The following ABLIM2 variants were observed in gnomAD, a reference collection of about 807,000 sequenced individuals.
ABLIM2 encodes the protein actin binding LIM protein family member 2, also known as actin-binding LIM protein 2.
In ABLIM2, 53 loss-of-function variants were observed where a neutral mutation model predicts 97.7. The observed-to-expected ratio is 0.54, with a 90% CI of 0.44 to 0.68. The LOEUF (loss-of-function observed/expected upper bound fraction) is 0.68. Among genes scored for constraint, ABLIM2 ranks in the 30% least tolerant of loss-of-function variants. The pLI, the probability that ABLIM2 is intolerant of heterozygous loss-of-function variation, is 0.00. For missense variants in ABLIM2, 835 were observed against 867.2 expected (o/e 0.96, Z 0.47); for synonymous variants, 361 against 345.8 (o/e 1.04, Z -0.49).
chr4:8,020,464 C>A, intron 12 of ABLIM2, 161 bp from the exon 13 acceptor site: 1 of 718,786 alleles, frequency 1.4e-6, no homozygotes, highest in Non-Finnish European at 2.5e-6. Flanking sequence ...GCCTCATCCA[C>A]GTTCCCAGAC....
chr4:8,046,105 C>T lies in ABLIM2; in HGVS notation c.823-864G>A, dbSNP rs1579672245. 6.6e-6 allele frequency among the ~76,000 whole-genome samples: 1 copy of T among 152,320 alleles called. No individual in the cohort carries two copies. The highest frequency in any genetic ancestry group is 2.1e-4 in the South Asian group (1 of 4,818). ...CTGTGGGCTTGTCCTGGCCTTTTTG[C>T]TGCTGTCACGCCTGGGACCTGTGTC... On this transcript the variant is annotated intron_variant, in intron 8 of 20. Transcript: ENST00000447017. The surrounding 1 kb of genome is among the most constrained non-coding windows in gnomAD (Gnocchi z 4.4).
At position 8,032,535 on chromosome 4, in the gene ABLIM2, A is replaced by G; in HGVS notation, c.1048-2759T>C. On this transcript the variant is annotated intron_variant, in intron 10 of 20. Transcript: ENST00000447017. The surrounding 1 kb of genome is among the most constrained non-coding windows in gnomAD (Gnocchi z 4.3). ...CACAAGGGCCGTGGCCCCGGGCCCCATGGTGAAGAGCCACCGAGGAGGCCC... is the reference window on the plus strand; with the variant it reads ...CACAAGGGCCGTGGCCCCGGGCCCCGTGGTGAAGAGCCACCGAGGAGGCCC... 1.3e-5 allele frequency: 18 copies of G among 1,397,984 alleles called. No individual in the cohort carries two copies. Among genetic ancestry groups the G allele is most frequent in the Non-Finnish European group, 1.6e-5 (16 of 999,384 alleles). The allele number at this position is 1,397,984 out of a possible 1,614,324, so 86.6% of individuals were successfully genotyped here.
In ABLIM2 at chr4:8,019,810, A is replaced by G. The variant is rs1277205077; in HGVS notation, c.1370-139T>C. 1 of 820,300 alleles carries G rather than the reference A, an allele frequency of 1.2e-6. No individual in the cohort carries two copies. The highest frequency in any genetic ancestry group is 1.9e-6 in the Non-Finnish European group (1 of 513,824). The allele number at this position is 820,300 out of a possible 1,614,324, so 50.8% of individuals were successfully genotyped here. A position where few individuals can be genotyped will look rare whatever the true frequency, so the allele number is the denominator to read the frequency against. On this transcript the variant is annotated intron_variant, in intron 13 of 20. Coordinates refer to ENST00000447017, the MANE Select transcript of ABLIM2 (RefSeq NM_001130083.2). This position sits in a 1 kb window ranked among gnomAD's most constrained non-coding sequence, Gnocchi z 4.3. The stretch of plus-strand genomic sequence containing the variant: ...ATCAGGCAGGAACTGGCACCCAGCG[A>G]GCGACAGACACCCAGGCCCCAGATC...
chr4:8,039,071 T>G lies in ABLIM2; in HGVS notation c.901-2776A>C, dbSNP rs146616976. Among the ~76,000 whole-genome samples the G allele has an allele frequency of 5.0e-3, 765 of 152,252 alleles. 4 individuals are homozygous for G. Among genetic ancestry groups the G allele is most frequent in the South Asian group, 7.5e-3 (36 of 4,818 alleles). On this transcript the variant is annotated intron_variant, in intron 9 of 20. Transcript: ENST00000447017. Reference sequence around the variant, plus strand: ...CAAGTTAGTGTTGATCTTCATCTGTTGAGTTGTCCCTTATCCCCTCAAGAC... The same window carrying G: ...CAAGTTAGTGTTGATCTTCATCTGTGGAGTTGTCCCTTATCCCCTCAAGAC...
chr4:8,136,019 G>A (rs555014000), intron 1 of ABLIM2, among the ~76,000 whole-genome samples: 15 of 152,360 alleles, frequency 9.8e-5, no homozygotes, highest in African/African-American at 3.4e-4. Context: ...ATTCACAGCA[G>A]CAGAATCTCC....
In ABLIM2 at chr4:8,094,602, A is replaced by G. The variant is rs187134704; in HGVS notation, c.338+2497T>C. Among the ~76,000 whole-genome samples the G allele has an allele frequency of 5.3e-5, 8 of 152,366 alleles. No individual in the cohort carries two copies. In the East Asian group the frequency reaches 1.3e-3, roughly 26 times the overall value. ...ATACAATATCTGGAATCTACAGATA[A>G]CATAACTGATTAGGTCAGGGGTCGA... On this transcript the variant is annotated intron_variant, in intron 3 of 20. Coordinates refer to ENST00000447017, the MANE Select transcript of ABLIM2 (RefSeq NM_001130083.2).
At chr4:7,973,585 G>A (rs770090810) in intron 20 of ABLIM2, among the ~76,000 whole-genome samples, 10 of 152,222 alleles carry the variant, frequency 6.6e-5, no homozygotes, top group Non-Finnish European at 1.0e-4. Flanking sequence ...GGCCCTGCAG[G>A]GCCCTGGACC....
At chr4:8,129,784 A>C (rs1849102539) in intron 1 of ABLIM2, among the ~76,000 whole-genome samples, 1 of 152,160 alleles carries the variant, frequency 6.6e-6, no homozygotes, top group South Asian at 2.1e-4. Context: ...GCTGGCGTTG[A>C]GAAGTGTCAG....
chr4:8,102,250 G>C (rs1185231903), intron 2 of ABLIM2, among the ~76,000 whole-genome samples: 1 of 152,154 alleles, frequency 6.6e-6, no homozygotes, highest in African/African-American at 2.4e-5. Context: ...TGTTCCCTCT[G>C]GTGGGAATGC....
intron 2 of ABLIM2, among the ~76,000 whole-genome samples, chr4:8,102,404 T>C (rs1835110464): frequency 6.6e-6 from 1 of 152,244 alleles, no homozygotes. Context: ...AATTTGCTTA[T>C]TTATTCTTTA....
At chr4:7,974,037 G>A (rs1300234849) in intron 20 of ABLIM2, among the ~76,000 whole-genome samples, 2 of 152,188 alleles carry the variant, frequency 1.3e-5, no homozygotes, top group Admixed American at 1.3e-4. Context: ...AACCCAGCCT[G>A]GAATATCAAC....
chr4:8,043,331 T>A lies in ABLIM2; in HGVS notation c.900+1833A>T, dbSNP rs146605542. Reference sequence around the variant, plus strand: ...AATGGGTGAGGAAACAGACCATACCTTTGTGCGCCTACACAAACATGATCT... The same window carrying A: ...AATGGGTGAGGAAACAGACCATACCATTGTGCGCCTACACAAACATGATCT... On this transcript the variant is annotated intron_variant, in intron 9 of 20. Transcript: ENST00000447017. This position sits in a 1 kb window ranked among gnomAD's most constrained non-coding sequence, Gnocchi z 4.8. Among the ~76,000 whole-genome samples, 409 of 152,312 alleles carry A rather than the reference T, an allele frequency of 2.7e-3. 2 individuals carry two copies. Among genetic ancestry groups the A allele is most frequent in the African/African-American group, 9.2e-3 (381 of 41,568 alleles).
In ABLIM2 at chr4:8,043,953, C is replaced by T. The variant is rs919526503; in HGVS notation, c.900+1211G>A. Among the ~76,000 whole-genome samples the T allele has an allele frequency of 3.9e-5, 6 of 152,098 alleles. No homozygotes were observed. The highest frequency in any genetic ancestry group is 9.7e-5 in the African/African-American group (4 of 41,420). ...AGCCAACCTGGTGCCTTCATGCGCC[C>T]GCCTAAGCTTCAGAGTGCACATCCC... On this transcript the variant is annotated intron_variant, in intron 9 of 20. Coordinates refer to ENST00000447017, the MANE Select transcript of ABLIM2 (RefSeq NM_001130083.2). The surrounding 1 kb of genome is among the most constrained non-coding windows in gnomAD (Gnocchi z 4.8).
chr4:8,080,895 G>T, intron 4 of ABLIM2, 93 bp from the exon 5 acceptor site: 1 of 1,483,216 alleles, frequency 6.7e-7, no homozygotes, highest in Non-Finnish European at 9.1e-7. Context: ...AGGCCCCTGG[G>T]GCAGCCGGGA....
intron 1 of ABLIM2, among the ~76,000 whole-genome samples, chr4:8,144,216 G>T (rs149410319): frequency 1.3e-5 from 2 of 152,174 alleles, no homozygotes; most frequent in Admixed American, 1.3e-4. Flanking sequence ...CCTGGTGCTC[G>T]GCCAGAAATT....
rs1459499988 is a variant in ABLIM2, at chr4:8,004,945, G to A, written c.1618+3114C>T. On this transcript the variant is annotated intron_variant, in intron 16 of 20. Transcript: ENST00000447017. The surrounding 1 kb of genome is among the most constrained non-coding windows in gnomAD (Gnocchi z 5.9). ...GGGGATGGCTCCCGGGTTTGTCACC[G>A]CCATAAAGTCCTCTGGCTTCCCTGC... is the stretch of plus-strand genomic sequence containing the variant. 6.6e-6 allele frequency among the ~76,000 whole-genome samples: 1 copy of A among 152,196 alleles called. No homozygotes were observed. The highest frequency in any genetic ancestry group is 1.5e-5 in the Non-Finnish European group (1 of 68,034).
chr4:7,980,941 A>ATCTTTTTTTTTTTTTT (rs1483414043), intron 20 of ABLIM2, among the ~76,000 whole-genome samples: 4 of 82,988 alleles, frequency 4.8e-5, no homozygotes, highest in African/African-American at 1.7e-4. Context: ...ACAACCCCTT[A>ATCTTTTTTTTTTTTTT]TTTTTTTTTT....
At position 8,067,491 on chromosome 4, in the gene ABLIM2, T is replaced by C. The variant is rs925953031; in HGVS notation, c.676-6437A>G. The C allele has an allele frequency of 4.5e-4, 68 of 152,334 alleles. 3 individuals carry two copies. Among genetic ancestry groups the C allele is most frequent in the Admixed American group, 6.5e-5 (1 of 15,288 alleles). The allele number at this position is 152,334 out of a possible 1,614,324, so 9.4% of individuals were successfully genotyped here. ...GCCAGCTCTGCACCCTTTCCAGTGA[T>C]GGCACAGCCGCGTGGCCAGGGGCAG... On this transcript the variant is annotated intron_variant, in intron 6 of 20. Coordinates refer to ENST00000447017, the MANE Select transcript of ABLIM2 (RefSeq NM_001130083.2). This position sits in a 1 kb window ranked among gnomAD's most constrained non-coding sequence, Gnocchi z 5.4.
rs115327409 is a variant in ABLIM2 at position 8,113,928 on chromosome 4, G to A, written c.11-7291C>T. Reference sequence around the variant, plus strand: ...GAGAGGGGCACAGGGCTGTGTGCAGGCACAGCAGGGAGATGAACCTGTGTA... The same window carrying A: ...GAGAGGGGCACAGGGCTGTGTGCAGACACAGCAGGGAGATGAACCTGTGTA... On this transcript the variant is annotated intron_variant, in intron 1 of 20. Coordinates refer to ENST00000447017, the MANE Select transcript of ABLIM2 (RefSeq NM_001130083.2). This position sits in a 1 kb window ranked among gnomAD's most constrained non-coding sequence, Gnocchi z 4.5. Among the ~76,000 whole-genome samples the A allele has an allele frequency of 4.5e-3, 691 of 152,332 alleles. 3 individuals are homozygous for A. Among genetic ancestry groups the A allele is most frequent in the Non-Finnish European group, 6.6e-3 (452 of 68,036 alleles).
Sources: gnomAD v4.1 joint callset for allele counts (sites outside exome capture counted in the v4.1 genomes callset) on GRCh38, gnomAD v4.1.1 for gene constraint, Gnocchi (gnomAD v3.1) non-coding constraint, MANE v1.5 for transcripts, NCBI Gene and HGNC (gene_info 2026-07-23, HGNC 2026-07-21) for gene names.